Variants in RIPK1 observed in about 807,000 individuals in gnomAD.
The protein encoded by RIPK1 is receptor-interacting serine/threonine-protein kinase 1.
RIPK1 carries 27 observed loss-of-function variants against 62.4 expected under a neutral mutation model. That is an observed-to-expected ratio of 0.43 (90% CI 0.32 to 0.60). The LOEUF is 0.60. Among genes scored for constraint, RIPK1 ranks in the 20% least tolerant of loss-of-function variants. The pLI is 0.07. For missense variants in RIPK1, 735 were observed against 831.0 expected, an observed-to-expected ratio of 0.88 and a Z score of 1.42; for synonymous variants, 287 against 303.2, an observed-to-expected ratio of 0.95 and a Z score of 0.55.
rs1391527418 is a variant in RIPK1 at position 3,105,834 on chromosome 6, A to T, written c.1359A>T (p.Ser453=). 2 of 1,614,176 alleles carry T rather than the reference A, an allele frequency of 1.2e-6. No homozygotes were observed. Among genetic ancestry groups the T allele is most frequent in the Non-Finnish European group, 8.5e-7 (1 of 1,179,992 alleles). ...ASHGNAVHQP[S]GLTSQPQVLY... is the part of the protein sequence containing the mutation. ...ATGGTAATGCAGTGCACCAGCCCTCAGGGCTCACCAGCCAACCTCAAGTAC... is the reference window on the plus strand; with the variant it reads ...ATGGTAATGCAGTGCACCAGCCCTCTGGGCTCACCAGCCAACCTCAAGTAC... Residue 453 remains serine (S), a synonymous_variant, in exon 9 of 11, where the codon TCA becomes TCT. Coordinates refer to ENST00000259808, the MANE Select transcript of RIPK1 (RefSeq NM_001354930.2). This position sits in a 1 kb window ranked among gnomAD's most constrained non-coding sequence, Gnocchi z 4.5.
upstream of RIPK1, among the ~76,000 whole-genome samples, chr6:3,067,769 T>C (rs1350642545): frequency 5.3e-5 from 8 of 151,900 alleles, no homozygotes; most frequent in Admixed American, 5.3e-4. Context: ...TGAGACGGAA[T>C]CTTGCTCTTG....
rs1019499463 is a variant in RIPK1, at chr6:3,114,538, C to T, written c.*1199C>T. On this transcript the variant is annotated 3_prime_UTR_variant, in exon 11 of 11. Transcript: ENST00000259808. This position sits in a 1 kb window ranked among gnomAD's most constrained non-coding sequence, Gnocchi z 5.0. Reference sequence around the variant, plus strand: ...AGGAAGGCTGTGTGCTTAGCTCTCCCCAGAGGGAGGGCGAGAAGGGTGTGG... The same window carrying T: ...AGGAAGGCTGTGTGCTTAGCTCTCCTCAGAGGGAGGGCGAGAAGGGTGTGG... 11 of 152,296 alleles carry T rather than the reference C, an allele frequency of 7.2e-5. No homozygotes were observed. Among genetic ancestry groups the T allele is most frequent in the African/African-American group, 2.4e-4 (10 of 41,432 alleles). 9.4% of individuals were successfully genotyped at this position (152,296 alleles called of 1,614,324 possible).
chr6:3,084,654 T>C (rs1759594916), intron 5 of RIPK1, among the ~76,000 whole-genome samples: 1 of 149,030 alleles, frequency 6.7e-6, no homozygotes, highest in South Asian at 2.1e-4. Flanking sequence ...AGTGCAGTGG[T>C]GCAGTCTCGG....
intron 2 of RIPK1, 51 bp from the exon 3 acceptor site, chr6:3,077,728 C>G: frequency 6.2e-7 from 1 of 1,602,822 alleles, no homozygotes; most frequent in Non-Finnish European, 8.5e-7. Context: ...GCACCAGGCT[C>G]TTGAGGCGCT....
intron 6 of RIPK1, chr6:3,088,670 T>C: frequency 6.6e-6 from 1 of 152,470 alleles, no homozygotes; most frequent in Non-Finnish European, 1.5e-5. Flanking sequence ...AGCCACAGGG[T>C]TTTTTCTGTG....
intron 7 of RIPK1, among the ~76,000 whole-genome samples, chr6:3,100,340 C>T (rs1258343355): frequency 6.6e-6 from 1 of 152,032 alleles, no homozygotes. Flanking sequence ...ATGAGAATTG[C>T]TTGAACCCGG....
chr6:3,071,714 A>C (rs1758720647), intron 1 of RIPK1, among the ~76,000 whole-genome samples: 1 of 152,216 alleles, frequency 6.6e-6, no homozygotes, highest in Non-Finnish European at 1.5e-5. Flanking sequence ...AACAGACTAA[A>C]CTAGCAAACC....
At chr6:3,107,462 G>A (rs1407981786) in intron 9 of RIPK1, among the ~76,000 whole-genome samples, 1 of 150,566 alleles carries the variant, frequency 6.6e-6, no homozygotes, top group Admixed American at 6.6e-5. Context: ...CTACTTGGGA[G>A]GGTGAGGCAG....
intron 7 of RIPK1, among the ~76,000 whole-genome samples, chr6:3,097,959 G>C (rs1434710456): frequency 6.6e-6 from 1 of 152,182 alleles, no homozygotes; most frequent in African/African-American, 2.4e-5. Context: ...ACTTTGGGAG[G>C]CTGAGGTGGG....
At chr6:3,075,531 T>C (rs1561746988) in intron 1 of RIPK1, among the ~76,000 whole-genome samples, 2 of 152,250 alleles carry the variant, frequency 1.3e-5, no homozygotes, top group Admixed American at 6.5e-5. Flanking sequence ...TTCTAATGCC[T>C]TTCAGTTGTT....
rs943680683 is a variant in RIPK1, at chr6:3,068,598, C to T, written c.-124C>T. The stretch of plus-strand genomic sequence containing the variant: ...AGCTGGGGCGCCAGAGCGCGGCCAT[C>T]CGGGCGGGGCCGACGGAGCGCGGCA... On this transcript the variant is annotated 5_prime_UTR_variant, in exon 1 of 11. Coordinates refer to ENST00000259808, the MANE Select transcript of RIPK1 (RefSeq NM_001354930.2). The T allele has an allele frequency of 5.1e-6, 5 of 985,184 alleles. No homozygotes were observed. The African/African-American group carries it at 5.2e-5, about 10-fold the overall frequency. 61.0% of individuals were successfully genotyped at this position (985,184 alleles called of 1,614,324 possible). A position where few individuals can be genotyped will look rare whatever the true frequency, so the allele number is the denominator to read the frequency against.
At chr6:3,107,860 G>A (rs372953416) in intron 9 of RIPK1, among the ~76,000 whole-genome samples, 256 of 152,174 alleles carry the variant, frequency 1.7e-3, no homozygotes, top group African/African-American at 6.0e-3. Flanking sequence ...CTTCTTCAGG[G>A]TTCTGAGATG....
At chr6:3,089,909 G>C (rs116762877) in intron 7 of RIPK1, among the ~76,000 whole-genome samples, 2,059 of 152,354 alleles carry the variant, frequency 0.014, 16 homozygotes, top group Middle Eastern at 0.027. Context: ...CACTGGCAAA[G>C]ATTGGAAAGT....
At chr6:3,102,733 T>C (rs1001212068) in intron 7 of RIPK1, among the ~76,000 whole-genome samples, 2 of 152,140 alleles carry the variant, frequency 1.3e-5, no homozygotes, top group Middle Eastern at 3.2e-3. Context: ...CCCGAGTAGC[T>C]GGGATTACAG....
intron 1 of RIPK1, among the ~76,000 whole-genome samples, chr6:3,070,198 TC>T (rs1026545603): frequency 1.9e-4 from 29 of 152,180 alleles, no homozygotes; most frequent in Non-Finnish European, 3.8e-4. Flanking sequence ...TGTTGTACTT[TC>T]TGGAATGTGA....
intron 3 of RIPK1, among the ~76,000 whole-genome samples, chr6:3,078,384 G>C (rs1759203286): frequency 6.6e-6 from 1 of 152,194 alleles, no homozygotes; most frequent in Non-Finnish European, 1.5e-5. Flanking sequence ...GAAAAAAAGA[G>C]AAAATCTTCC....
chr6:3,085,385 C>T lies in RIPK1; in HGVS notation c.815C>T (p.Pro272Leu), dbSNP rs1190113879. ...SLMKLCWEANPEARPTFPGIE... is the reference protein window; with the variant it reads ...SLMKLCWEANLEARPTFPGIE... ...ATGAAGCTCTGCTGGGAAGCGAATC[C>T]GGAAGCTCGGCCGACATTTCCTGGT... is the stretch of plus-strand genomic sequence containing the variant. The change falls in exon 6 of 11, where the codon CCG becomes CTG. Residue 272 changes from proline (P) to leucine (L), a missense_variant. By Grantham distance (98) the Pro-to-Leu change is moderately conservative. Around this residue, in one of 2 missense-constraint regions of RIPK1, gnomAD observed 671 missense variants for 726.2 expected, o/e 0.92. Coordinates refer to ENST00000259808, the MANE Select transcript of RIPK1 (RefSeq NM_001354930.2). The T allele has an allele frequency of 1.8e-5, 29 of 1,614,012 alleles. No homozygotes were observed. In the South Asian group the frequency reaches 2.0e-4, roughly 11 times the overall value.
Position 3,098,948 on chromosome 6 carries a change from G to C in RIPK1, c.916-5277G>C, listed in dbSNP as rs550944573. The stretch of plus-strand genomic sequence containing the variant: ...ATCCCCTCGCCTTTCTCAGTCACTG[G>C]CTCAGAAGGGGAGTACCTGGGGCAA... On this transcript the variant is annotated intron_variant, in intron 7 of 10. Coordinates refer to ENST00000259808, the MANE Select transcript of RIPK1 (RefSeq NM_001354930.2). Among the ~76,000 whole-genome samples the C allele has an allele frequency of 5.3e-5, 8 of 152,314 alleles. No individual in the cohort carries two copies. In the South Asian group the frequency reaches 1.4e-3, roughly 28 times the overall value.
At chr6:3,077,084 A>G (rs543575851) in intron 2 of RIPK1, 97 bp downstream of exon 2, 53 of 1,178,544 alleles carry the variant, frequency 4.5e-5, no homozygotes, top group Non-Finnish European at 6.0e-5. Context: ...GTTGGTGGGT[A>G]GAGTGAGAGG....
Sources: gnomAD v4.1 joint callset for allele counts (sites outside exome capture counted in the v4.1 genomes callset) on GRCh38, gnomAD v4.1.1 for gene constraint, gnomAD v4.1.1 regional missense constraint, Gnocchi (gnomAD v3.1) non-coding constraint, MANE v1.5 for transcripts, NCBI Gene and HGNC (gene_info 2026-07-23, HGNC 2026-07-21) for gene names.